GPHN: variants seen among roughly 807,000 people sequenced by gnomAD.
The protein encoded by GPHN is gephyrin.
Under a neutral mutation model 95.5 loss-of-function variants are expected in GPHN, and 17 were observed. The ratio of observed to expected loss-of-function variants is 0.18; its 90% CI spans 0.12 to 0.27. GPHN has a LOEUF of 0.27. GPHN is among the 10% of genes least tolerant of loss of function. The pLI is 1.00. For missense variants in GPHN, 660 were observed against 978.1 expected, an observed-to-expected ratio of 0.67 and a Z score of 4.34; for synonymous variants, 320 against 322.5, an observed-to-expected ratio of 0.99 and a Z score of 0.08.
chr14:67,587,409 C>T, the GPHN span: 4 of 694,704 alleles, frequency 5.8e-6, no homozygotes, highest in Non-Finnish European at 9.8e-6. Context: ...TATAATGTTT[C>T]AGGGCTCAAC....
At chr14:66,879,353 TAA>T (rs58893187) in intron 4 of GPHN, among the ~76,000 whole-genome samples, 2,286 of 139,010 alleles carry the variant, frequency 0.016, 29 homozygotes, top group Non-Finnish European at 0.02. Flanking sequence ...GAAAGTATAT[TAA>T]AAAAAAAAAA....
chr14:66,559,254 A>T (rs1490782441), intron 1 of GPHN, among the ~76,000 whole-genome samples: 1 of 151,844 alleles, frequency 6.6e-6, no homozygotes, highest in African/African-American at 2.4e-5. Flanking sequence ...GTATATACCC[A>T]GTAATGGGAT....
At chr14:66,908,625 C>T (rs1028846252) in intron 5 of GPHN, among the ~76,000 whole-genome samples, 7 of 151,990 alleles carry the variant, frequency 4.6e-5, no homozygotes, top group Admixed American at 2.6e-4. Context: ...GAACTGGGGT[C>T]AGGTTGGGGA....
At chr14:67,266,990 C>T in the GPHN span, among the ~76,000 whole-genome samples, 12 of 151,734 alleles carry the variant, frequency 7.9e-5, no homozygotes, top group Non-Finnish European at 1.5e-4. Flanking sequence ...ATTCCTGTAC[C>T]CACCTACTCA....
At chr14:67,322,017 C>A in the GPHN span, among the ~76,000 whole-genome samples, 1 of 152,048 alleles carries the variant, frequency 6.6e-6, no homozygotes, top group Non-Finnish European at 1.5e-5. Flanking sequence ...AATAATGAGA[C>A]CTCAGTTTCA....
chr14:67,225,060 C>G, the GPHN span: 2,299 of 1,276,450 alleles, frequency 1.8e-3, no homozygotes, highest in Non-Finnish European at 2.3e-3. Context: ...TTCTTTCTCA[C>G]TTCCTCTCTA....
At chr14:66,832,366 C>A (rs1245044827) in intron 4 of GPHN, among the ~76,000 whole-genome samples, 1 of 152,156 alleles carries the variant, frequency 6.6e-6, no homozygotes, top group East Asian at 1.9e-4. Flanking sequence ...ATTAACAGTA[C>A]TACCTGTTAT....
chr14:67,214,407 G>A, the GPHN span, among the ~76,000 whole-genome samples: 47 of 152,152 alleles, frequency 3.1e-4, 1 homozygote, highest in East Asian at 1.5e-3. Context: ...TCCCAGCACC[G>A]TTTATTAAAT....
chr14:66,600,240 A>G (rs2062169691), intron 1 of GPHN, among the ~76,000 whole-genome samples: 1 of 152,074 alleles, frequency 6.6e-6, no homozygotes, highest in African/African-American at 2.4e-5. Context: ...CTTCCTTTTT[A>G]AAACCTAGTC....
At chr14:66,535,398 G>C (rs926438715) in intron 1 of GPHN, among the ~76,000 whole-genome samples, 15 of 152,118 alleles carry the variant, frequency 9.9e-5, no homozygotes, top group African/African-American at 3.6e-4. Context: ...GGTGGTATAA[G>C]TTCCTTCAAT....
intron 11 of GPHN, among the ~76,000 whole-genome samples, chr14:67,071,773 A>G (rs2076321425): frequency 3.3e-5 from 5 of 152,060 alleles, no homozygotes; most frequent in Admixed American, 3.3e-4. Context: ...TCCTATACAT[A>G]TTCACTCTTA....
chr14:66,728,578 T>C (rs2071467417), intron 2 of GPHN, among the ~76,000 whole-genome samples: 1 of 152,228 alleles, frequency 6.6e-6, no homozygotes, highest in African/African-American at 2.4e-5. Flanking sequence ...ATCATTTGAT[T>C]TGACGTAAGA....
chr14:67,176,719 G>A (rs1009719569), intron 21 of GPHN, among the ~76,000 whole-genome samples: 4 of 152,028 alleles, frequency 2.6e-5, no homozygotes, highest in Non-Finnish European at 5.9e-5. Flanking sequence ...ACTTTTTTTG[G>A]TTGGTAGGCT....
chr14:67,556,664 G>C, the GPHN span, among the ~76,000 whole-genome samples: 1 of 152,184 alleles, frequency 6.6e-6, no homozygotes, highest in Non-Finnish European at 1.5e-5. Flanking sequence ...GAGGCGAGAG[G>C]ATCTCTTGAC....
At chr14:66,540,646 G>GT (rs987050724) in intron 1 of GPHN, among the ~76,000 whole-genome samples, 3 of 152,132 alleles carry the variant, frequency 2.0e-5, no homozygotes, top group Non-Finnish European at 4.4e-5. Context: ...AATAAGACTT[G>GT]TTTTTTTAGC....
chr14:67,233,086 C>T, the GPHN span, among the ~76,000 whole-genome samples: 1 of 142,028 alleles, frequency 7.0e-6, no homozygotes, highest in African/African-American at 2.9e-5. Context: ...CTGTGCTGTT[C>T]CCATGTCTCC....
chr14:67,367,361 GC>G, the GPHN span, among the ~76,000 whole-genome samples: 1 of 152,184 alleles, frequency 6.6e-6, no homozygotes, highest in Non-Finnish European at 1.5e-5. Context: ...CTCCAGAGTA[GC>G]TGGGATTACA....
At chr14:67,309,062 C>T in the GPHN span, among the ~76,000 whole-genome samples, 1 of 152,102 alleles carries the variant, frequency 6.6e-6, no homozygotes, top group African/African-American at 2.4e-5. Flanking sequence ...AACAGTTCTA[C>T]AATTTGAAAT....
At chr14:67,625,862 C>T in the GPHN span, among the ~76,000 whole-genome samples, 4 of 151,820 alleles carry the variant, frequency 2.6e-5, no homozygotes, top group South Asian at 8.3e-4. Flanking sequence ...AAAAAGACAA[C>T]CAAATTTAAA....
Sources: gnomAD v4.1 joint callset for allele counts (sites outside exome capture counted in the v4.1 genomes callset) on GRCh38, gnomAD v4.1.1 for gene constraint, MANE v1.5 for transcripts, NCBI Gene and HGNC (gene_info 2026-07-23, HGNC 2026-07-21) for gene names.